Variants in LRP1B observed in about 807,000 individuals in gnomAD.
LRP1B encodes LDL receptor related protein 1B.
LRP1B carries 217 observed loss-of-function variants against 556.6 expected under a neutral mutation model. That is an observed-to-expected ratio of 0.39 (90% CI 0.35 to 0.44). The LOEUF (loss-of-function observed/expected upper bound fraction) is 0.44. LRP1B is among the 20% of genes least tolerant of loss of function. The probability of loss-of-function intolerance (pLI) is 1.00; values close to 1 mark genes in which losing one functional copy is unlikely to be tolerated. For missense variants in LRP1B, 5,053 were observed against 5,620.8 expected, an observed-to-expected ratio of 0.90 and a Z score of 3.23; for synonymous variants, 2,047 against 1,865.8, an observed-to-expected ratio of 1.10 and a Z score of -2.50.
At chr2:141,667,440 C>CA (rs1690486281) in intron 2 of LRP1B, among the ~76,000 whole-genome samples, 1 of 152,036 alleles carries the variant, frequency 6.6e-6, no homozygotes, top group Non-Finnish European at 1.5e-5. Flanking sequence ...TATCACTTGA[C>CA]AAAAAATAGA....
intron 11 of LRP1B, among the ~76,000 whole-genome samples, chr2:141,043,396 A>G (rs1183969290): frequency 6.6e-6 from 1 of 151,912 alleles, no homozygotes; most frequent in East Asian, 1.9e-4. Context: ...CCACAACAAA[A>G]GAAGCGGCAA....
At chr2:140,409,428 A>T (rs1258300763) in intron 66 of LRP1B, among the ~76,000 whole-genome samples, 2 of 152,042 alleles carry the variant, frequency 1.3e-5, no homozygotes, top group African/African-American at 2.4e-5. Flanking sequence ...AGATTTATTG[A>T]TGAAAAGTAA....
intron 7 of LRP1B, among the ~76,000 whole-genome samples, chr2:141,106,595 A>G (rs905814289): frequency 2.0e-5 from 3 of 152,298 alleles, no homozygotes; most frequent in African/African-American, 7.2e-5. Flanking sequence ...CCTTGCTTAC[A>G]TTAAGACATC....
At position 140,694,886 on chromosome 2, in the gene LRP1B, A is replaced by AT. The variant is rs1201156005; in HGVS notation, c.6799+5363dup. ...TTTTAATTTTAATTATAGTGATCATATTTTTTTATTTCCAAGATATTCAAT... is the reference window on the plus strand; with the variant it reads ...TTTTAATTTTAATTATAGTGATCATATTTTTTTTATTTCCAAGATATTCAAT... On this transcript the variant is annotated intron_variant, in intron 41 of 90. Coordinates refer to ENST00000389484, the MANE Select transcript of LRP1B (RefSeq NM_018557.3). Among the ~76,000 whole-genome samples, 12 of 151,944 alleles carry AT rather than the reference A, an allele frequency of 7.9e-5. No homozygotes were observed. The South Asian group carries it at 1.5e-3, about 18-fold the overall frequency.
At chr2:141,286,761 TTTGTAC>T (rs1408545648) in intron 3 of LRP1B, 1 of 442,268 alleles carries the variant, frequency 2.3e-6, no homozygotes, top group Non-Finnish European at 4.6e-6. Flanking sequence ...ACATTGTACA[TTTGTAC>T]TTGTACATTG....
chr2:141,395,120 T>C (rs1379420713), intron 3 of LRP1B, among the ~76,000 whole-genome samples: 2 of 152,112 alleles, frequency 1.3e-5, no homozygotes, highest in Non-Finnish European at 2.9e-5. Context: ...ATTTTACTTA[T>C]TTTTAAAAAT....
intron 3 of LRP1B, among the ~76,000 whole-genome samples, chr2:141,362,730 A>G (rs115178103): frequency 0.026 from 3,954 of 152,214 alleles, 171 homozygotes; most frequent in African/African-American, 0.087. Flanking sequence ...TGTGCCCACA[A>G]AATAATTCTG....
chr2:140,649,213 C>CTGG (rs1467898834), intron 41 of LRP1B, among the ~76,000 whole-genome samples: 28 of 152,146 alleles, frequency 1.8e-4, no homozygotes, highest in Non-Finnish European at 2.2e-4. Flanking sequence ...TAGTGATTTC[C>CTGG]TACCTAATTC....
chr2:141,502,866 A>AT (rs1217893742), intron 2 of LRP1B, among the ~76,000 whole-genome samples: 3 of 144,378 alleles, frequency 2.1e-5, no homozygotes, highest in Admixed American at 6.8e-5. Flanking sequence ...TCAAAAAATA[A>AT]AAAATAAATA....
intron 3 of LRP1B, among the ~76,000 whole-genome samples, chr2:141,377,747 A>C (rs1229203570): frequency 6.6e-6 from 1 of 152,008 alleles, no homozygotes; most frequent in Non-Finnish European, 1.5e-5. Context: ...CTTTTAAATT[A>C]ATTTCACAAA....
intron 41 of LRP1B, among the ~76,000 whole-genome samples, chr2:140,662,510 T>G (rs1685132930): frequency 1.3e-5 from 2 of 152,200 alleles, no homozygotes; most frequent in South Asian, 2.1e-4. Context: ...ATGAAAAAAT[T>G]TTAAATGTAG....
At chr2:141,309,137 T>C (rs1383463439) in intron 3 of LRP1B, among the ~76,000 whole-genome samples, 2 of 152,236 alleles carry the variant, frequency 1.3e-5, no homozygotes, top group Middle Eastern at 3.2e-3. Context: ...GATTCTCTGT[T>C]TATTTTCATT....
chr2:141,076,885 A>G (rs779873622), intron 7 of LRP1B, among the ~76,000 whole-genome samples: 5 of 151,680 alleles, frequency 3.3e-5, no homozygotes, highest in Non-Finnish European at 7.4e-5. Flanking sequence ...GCATATTGTT[A>G]ATTGATTGAT....
At chr2:141,582,681 G>A (rs576022679) in intron 2 of LRP1B, among the ~76,000 whole-genome samples, 30 of 151,628 alleles carry the variant, frequency 2.0e-4, no homozygotes, top group Non-Finnish European at 3.4e-4. Flanking sequence ...ATGTGTTACA[G>A]TATTGTGAAA....
chr2:141,843,949 A>G (rs987102203), intron 1 of LRP1B, among the ~76,000 whole-genome samples: 3 of 152,148 alleles, frequency 2.0e-5, no homozygotes, highest in Non-Finnish European at 2.9e-5. Flanking sequence ...ATGACAATTT[A>G]AACCTACCAA....
intron 41 of LRP1B, among the ~76,000 whole-genome samples, chr2:140,634,974 A>G (rs939711424): frequency 6.6e-6 from 1 of 152,092 alleles, no homozygotes; most frequent in Admixed American, 6.5e-5. Flanking sequence ...AAATGTAACA[A>G]TATCAGTCCA....
In LRP1B at chr2:141,505,770, C is replaced by T. The variant is rs942622233; in HGVS notation, c.206-25237G>A. On this transcript the variant is annotated intron_variant, in intron 2 of 90. Transcript: ENST00000389484. ...ACATTCTGCTTGGTAGGCCAATCTC[C>T]ATTAAGATTGCTTTAGGGTTGATTC... Among the ~76,000 whole-genome samples, 4 of 151,948 alleles carry T rather than the reference C, an allele frequency of 2.6e-5. 1 individual carries two copies. The highest frequency in any genetic ancestry group is 2.0e-4 in the Admixed American group (3 of 15,232).
Position 140,748,774 on chromosome 2 carries a change from ATATG to A in LRP1B, c.5758+20435_5758+20438del, listed in dbSNP as rs1474668500. Among the ~76,000 whole-genome samples, 8 of 64,542 alleles carry A rather than the reference ATATG, an allele frequency of 1.2e-4. 1 individual carries two copies. In the South Asian group the frequency reaches 2.2e-3, roughly 18 times the overall value. The allele number at this position is 64,542 out of a possible 152,430, so 42.3% of individuals were successfully genotyped here. A position where few individuals can be genotyped will look rare whatever the true frequency, so the allele number is the denominator to read the frequency against. On this transcript the variant is annotated intron_variant, in intron 35 of 90. Coordinates refer to ENST00000389484, the MANE Select transcript of LRP1B (RefSeq NM_018557.3). ...GATATATATTATATACATGTATATA[ATATG>A]TATATAATATATATTATATACATAT... is the stretch of plus-strand genomic sequence containing the variant.
intron 32 of LRP1B, among the ~76,000 whole-genome samples, chr2:140,792,916 A>G (rs11674928): frequency 0.44 from 67,306 of 151,790 alleles, 16,619 homozygotes; most frequent in East Asian, 0.58. Flanking sequence ...TTTATGAAAG[A>G]TAATTACAAT....
Sources: gnomAD v4.1 joint callset for allele counts (sites outside exome capture counted in the v4.1 genomes callset) on GRCh38, gnomAD v4.1.1 for gene constraint, MANE v1.5 for transcripts, NCBI Gene and HGNC (gene_info 2026-07-23, HGNC 2026-07-21) for gene names.